The following DPYD variants were observed in gnomAD, a reference collection of about 807,000 sequenced individuals.
DPYD encodes the protein dihydropyrimidine dehydrogenase [NADP(+)].
DPYD carries 109 observed loss-of-function variants against 116.2 expected under a neutral mutation model. The observed-to-expected ratio is 0.94, with a 90% CI of 0.80 to 1.10. DPYD has a LOEUF of 1.10. Among genes scored for constraint, DPYD ranks in the 50% least tolerant of loss-of-function variants. The probability of loss-of-function intolerance (pLI) is 0.00; values close to 1 mark genes in which losing one functional copy is unlikely to be tolerated. For synonymous variants in DPYD, 440 were observed against 432.0 expected (o/e 1.02, Z -0.23); for missense variants, 1,302 against 1,254.5 (o/e 1.04, Z -0.57).
intron 5 of DPYD, among the ~76,000 whole-genome samples, chr1:97,708,224 C>G (rs1029472163): frequency 1.3e-5 from 2 of 152,034 alleles, no homozygotes; most frequent in Non-Finnish European, 2.9e-5. Flanking sequence ...AAGTCATTGT[C>G]TAACCGAAGG....
intron 8 of DPYD, among the ~76,000 whole-genome samples, chr1:97,636,161 C>T: frequency 6.6e-6 from 1 of 152,034 alleles, no homozygotes; most frequent in Non-Finnish European, 1.5e-5. Context: ...ATCACTAAGC[C>T]AGGCTCACTT....
intron 18 of DPYD, among the ~76,000 whole-genome samples, chr1:97,240,455 A>C (rs1662257124): frequency 6.6e-6 from 1 of 151,954 alleles, no homozygotes; most frequent in Non-Finnish European, 1.5e-5. Flanking sequence ...CCCCCTAATC[A>C]TTTGACTCCT....
At chr1:97,894,847 T>C (rs1444978964) in intron 1 of DPYD, among the ~76,000 whole-genome samples, 1 of 151,738 alleles carries the variant, frequency 6.6e-6, no homozygotes, top group East Asian at 1.9e-4. Context: ...TTCAATTTAA[T>C]ATAATGTGGC....
intron 12 of DPYD, among the ~76,000 whole-genome samples, chr1:97,536,473 T>A (rs551962330): frequency 6.6e-6 from 1 of 152,302 alleles, no homozygotes. Flanking sequence ...CTCTTCTCAG[T>A]TGGAAAGGTT....
chr1:97,086,102 G>A (rs543847935), intron 21 of DPYD, among the ~76,000 whole-genome samples: 19 of 152,268 alleles, frequency 1.2e-4, no homozygotes, highest in Admixed American at 1.2e-3. Flanking sequence ...TGCCCAGGCT[G>A]GAGTGCAGTG....
chr1:97,366,761 G>A (rs551197757), intron 16 of DPYD, among the ~76,000 whole-genome samples: 11 of 152,236 alleles, frequency 7.2e-5, no homozygotes, highest in Non-Finnish European at 1.2e-4. Context: ...ATCAAAAAGC[G>A]AACAGAACTC....
chr1:97,521,337 C>A (rs1389322951), intron 12 of DPYD, among the ~76,000 whole-genome samples: 1 of 152,030 alleles, frequency 6.6e-6, no homozygotes, highest in Non-Finnish European at 1.5e-5. Context: ...AATAAAATAC[C>A]AAGAAATACA....
At chr1:97,898,122 G>A (rs533797458) in intron 1 of DPYD, among the ~76,000 whole-genome samples, 8 of 137,652 alleles carry the variant, frequency 5.8e-5, no homozygotes, top group African/African-American at 1.5e-4. Context: ...ACCCAATGTC[G>A]TATGAATCAT....
At chr1:97,391,019 G>A (rs1452261708) in intron 14 of DPYD, among the ~76,000 whole-genome samples, 2 of 147,384 alleles carry the variant, frequency 1.4e-5, no homozygotes, top group Admixed American at 6.8e-5. Flanking sequence ...TCTTCTAACT[G>A]AGCTTTGGAG....
At chr1:97,792,456 G>T (rs550263194) in intron 3 of DPYD, among the ~76,000 whole-genome samples, 98 of 152,056 alleles carry the variant, frequency 6.4e-4, no homozygotes, top group African/African-American at 2.3e-3. Context: ...CACCATGTTG[G>T]TCAGGCCGAT....
rs536744281 is a variant in DPYD, at chr1:97,472,596, T to C, written c.1741-22373A>G. On this transcript the variant is annotated intron_variant, in intron 13 of 22. Transcript: ENST00000370192. The stretch of plus-strand genomic sequence containing the variant: ...CACTAATTGACAGCAAATTGGGGAA[T>C]ACAGTAAGCAGATGATGGCCAGTAA... Among the ~76,000 whole-genome samples, 6 of 152,308 alleles carry C rather than the reference T, an allele frequency of 3.9e-5. No homozygotes were observed. The South Asian group carries it at 1.2e-3, about 32-fold the overall frequency.
At chr1:97,510,687 G>T (rs917280952) in intron 13 of DPYD, among the ~76,000 whole-genome samples, 1 of 151,866 alleles carries the variant, frequency 6.6e-6, no homozygotes, top group Non-Finnish European at 1.5e-5. Context: ...TTTGTAATGT[G>T]GTTTTGCACT....
chr1:97,538,956 G>A (rs10875097), intron 12 of DPYD, among the ~76,000 whole-genome samples: 24,309 of 151,968 alleles, frequency 0.16, 2,090 homozygotes, highest in Admixed American at 0.21. Context: ...ACACCTTAAC[G>A]TGGACACTTA....
At chr1:97,327,884 G>A (rs1668786997) in intron 16 of DPYD, among the ~76,000 whole-genome samples, 1 of 152,016 alleles carries the variant, frequency 6.6e-6, no homozygotes, top group Admixed American at 6.6e-5. Flanking sequence ...TACGTGCTGT[G>A]TTCATAGGCA....
At chr1:97,735,667 G>A (rs1009125497) in intron 4 of DPYD, among the ~76,000 whole-genome samples, 1 of 148,902 alleles carries the variant, frequency 6.7e-6, no homozygotes, top group African/African-American at 2.5e-5. Flanking sequence ...CAGCCTGGGC[G>A]ACAGAGCAAG....
At chr1:97,177,840 A>C (rs1055523458) in intron 20 of DPYD, among the ~76,000 whole-genome samples, 1 of 152,086 alleles carries the variant, frequency 6.6e-6, no homozygotes, top group Non-Finnish European at 1.5e-5. Flanking sequence ...ACATACATTT[A>C]TTTCTCACCA....
At chr1:97,643,755 A>G (rs1342723549) in intron 8 of DPYD, among the ~76,000 whole-genome samples, 2 of 152,188 alleles carry the variant, frequency 1.3e-5, no homozygotes, top group Non-Finnish European at 2.9e-5. Flanking sequence ...ATGCAGCCAT[A>G]AAAAAGGATG....
chr1:97,202,892 T>C (rs1010854992), intron 19 of DPYD, among the ~76,000 whole-genome samples: 8 of 152,188 alleles, frequency 5.3e-5, no homozygotes, highest in Admixed American at 2.0e-4. Flanking sequence ...AGGTACAACA[T>C]GTAGGGCCAA....
At chr1:97,832,723 AT>A (rs1669596332) in intron 2 of DPYD, among the ~76,000 whole-genome samples, 1 of 152,196 alleles carries the variant, frequency 6.6e-6, no homozygotes, top group Non-Finnish European at 1.5e-5. Context: ...TGCCAAATGA[AT>A]CCCCATGGGT....
Sources: allele counts gnomAD v4.1 joint callset (sites outside exome capture counted in the v4.1 genomes callset), GRCh38; gene constraint gnomAD v4.1.1; transcripts MANE v1.5; gene names NCBI Gene and HGNC (gene_info 2026-07-23, HGNC 2026-07-21).